The following EXT1 variants were observed in gnomAD, a reference collection of about 807,000 sequenced individuals.
EXT1 encodes the protein exostosin glycosyltransferase 1, also known as exostosin-1.
A neutral mutation model predicts 82.5 loss-of-function variants in EXT1; 20 were observed. The ratio of observed to expected loss-of-function variants is 0.24; its 90% confidence interval spans 0.17 to 0.35. EXT1 has a LOEUF of 0.35. Among genes scored for constraint, EXT1 ranks in the 10% least tolerant of loss-of-function variants. The pLI is 1.00. For missense variants in EXT1, 757 were observed against 936.5 expected (o/e 0.81, Z 2.50); for synonymous variants, 348 against 350.8 (o/e 0.99, Z 0.09).
At chr8:117,930,606 T>A (rs969346681) in intron 1 of EXT1, among the ~76,000 whole-genome samples, 1 of 152,146 alleles carries the variant, frequency 6.6e-6, no homozygotes, top group Admixed American at 6.5e-5. Context: ...TAAATACATA[T>A]TTCTATATTT....
rs905301094 is a variant in EXT1 at position 117,926,606 on chromosome 8, G to A, written c.963-89405C>T. 7.2e-5 allele frequency among the ~76,000 whole-genome samples: 11 copies of A among 152,108 alleles called. No homozygotes were observed. The South Asian group carries it at 1.7e-3, about 23-fold the overall frequency. On this transcript the variant is annotated intron_variant, in intron 1 of 10. Transcript: ENST00000378204. ...AAATTCAAATGACCCAAATGCATTCGCTCGTAAGGGCAATTTGCTTCTAGG... is the reference window on the plus strand; with the variant it reads ...AAATTCAAATGACCCAAATGCATTCACTCGTAAGGGCAATTTGCTTCTAGG...
chr8:118,055,956 CA>C (rs1456198999), intron 1 of EXT1, among the ~76,000 whole-genome samples: 1 of 152,126 alleles, frequency 6.6e-6, no homozygotes. Flanking sequence ...ATATAGCAAA[CA>C]AATGATGGTC....
chr8:118,038,091 G>T (rs999845323), intron 1 of EXT1, among the ~76,000 whole-genome samples: 1 of 152,178 alleles, frequency 6.6e-6, no homozygotes, highest in South Asian at 2.1e-4. Context: ...TTCCCAAAGT[G>T]CTGGGATTAT....
intron 1 of EXT1, among the ~76,000 whole-genome samples, chr8:118,070,991 T>A (rs999683064): frequency 6.6e-6 from 1 of 152,210 alleles, no homozygotes; most frequent in Non-Finnish European, 1.5e-5. Context: ...TCAGAATAAA[T>A]ATTAATTTGT....
chr8:117,995,350 C>T (rs967917411), intron 1 of EXT1, among the ~76,000 whole-genome samples: 1 of 152,196 alleles, frequency 6.6e-6, no homozygotes, highest in Non-Finnish European at 1.5e-5. Flanking sequence ...TATGAGGATT[C>T]TCTAATCCAA....
At chr8:117,947,295 A>G (rs192801549) in intron 1 of EXT1, among the ~76,000 whole-genome samples, 5 of 152,306 alleles carry the variant, frequency 3.3e-5, no homozygotes, top group Admixed American at 3.3e-4. Context: ...TATACTTGAC[A>G]TTTATCCAAA....
chr8:117,847,335 A>C (rs755104804), intron 1 of EXT1, among the ~76,000 whole-genome samples: 9 of 152,220 alleles, frequency 5.9e-5, no homozygotes, highest in Non-Finnish European at 1.0e-4. Flanking sequence ...TACTTGGGGA[A>C]TGAAAAATCG....
chr8:117,885,494 C>CAAAAAAAA (rs11300586), intron 1 of EXT1, among the ~76,000 whole-genome samples: 249 of 103,112 alleles, frequency 2.4e-3, no homozygotes, highest in East Asian at 4.1e-3. Flanking sequence ...AAGTAACAGA[C>CAAAAAAAA]AAAAAAAAAA....
intron 1 of EXT1, among the ~76,000 whole-genome samples, chr8:117,837,611 T>C (rs1812208524): frequency 2.0e-5 from 3 of 152,196 alleles, no homozygotes; most frequent in Admixed American, 6.5e-5. Context: ...ACTAAGACTG[T>C]TCTTGTTCCC....
intron 1 of EXT1, among the ~76,000 whole-genome samples, chr8:118,099,619 G>A (rs1465641080): frequency 6.6e-6 from 1 of 152,236 alleles, no homozygotes; most frequent in Non-Finnish European, 1.5e-5. Context: ...CATCTGCTAT[G>A]TGTATGCTCT....
chr8:118,063,877 T>C (rs1816929335), intron 1 of EXT1, among the ~76,000 whole-genome samples: 1 of 152,170 alleles, frequency 6.6e-6, no homozygotes, highest in Non-Finnish European at 1.5e-5. Context: ...TTTATTTATT[T>C]ATTTATTGAG....
intron 1 of EXT1, among the ~76,000 whole-genome samples, chr8:118,017,140 A>G (rs1036766017): frequency 6.6e-6 from 1 of 152,204 alleles, no homozygotes; most frequent in Non-Finnish European, 1.5e-5. Flanking sequence ...AAATACTGCT[A>G]TCCGTTAGTC....
At chr8:117,809,244 T>TG (rs1554657605) in intron 8 of EXT1, among the ~76,000 whole-genome samples, 9 of 138,244 alleles carry the variant, frequency 6.5e-5, no homozygotes, top group African/African-American at 1.8e-4. Context: ...TATATATATA[T>TG]TATGTTCTAT....
intron 1 of EXT1, among the ~76,000 whole-genome samples, chr8:117,857,776 C>T (rs1812591861): frequency 1.3e-5 from 2 of 152,178 alleles, no homozygotes; most frequent in Admixed American, 6.5e-5. Flanking sequence ...CTATAGCTGA[C>T]AGAGATGGTG....
intron 1 of EXT1, among the ~76,000 whole-genome samples, chr8:117,855,140 T>C (rs1440419455): frequency 6.6e-6 from 1 of 152,224 alleles, no homozygotes; most frequent in African/African-American, 2.4e-5. Flanking sequence ...GATAGGATGC[T>C]AAGCACATGT....
chr8:117,984,449 C>CAAAAAAAAAAAAAAAAAAA (rs368857333), intron 1 of EXT1, among the ~76,000 whole-genome samples: 1 of 130,968 alleles, frequency 7.6e-6, no homozygotes, highest in South Asian at 2.4e-4. Flanking sequence ...CAAAACAAAA[C>CAAAAAAAAAAAAAAAAAAA]AAAAAAAAAA....
chr8:118,013,369 C>A (rs1022243523), intron 1 of EXT1, among the ~76,000 whole-genome samples: 1 of 152,116 alleles, frequency 6.6e-6, no homozygotes, highest in Non-Finnish European at 1.5e-5. Context: ...TCACTGCGCC[C>A]AACTAATTTT....
In EXT1 at chr8:118,111,175, T is replaced by C. The variant is rs886062637; in HGVS notation, c.-129A>G. 5.4e-5 allele frequency: 71 copies of C among 1,315,270 alleles called. No individual in the cohort carries two copies. In the South Asian group the frequency reaches 8.6e-4, roughly 16 times the overall value. 81.5% of individuals were successfully genotyped at this position (1,315,270 alleles called of 1,614,324 possible). ...CTTCAAACTCTCCGCTCCCACCTTC[T>C]CTGGATGCCTTTCCCCAAGCCGTGG... On this transcript the variant is annotated 5_prime_UTR_variant, in exon 1 of 11. Transcript: ENST00000378204.
chr8:118,084,091 T>C (rs1309466251), intron 1 of EXT1, among the ~76,000 whole-genome samples: 2 of 152,150 alleles, frequency 1.3e-5, no homozygotes, highest in Non-Finnish European at 2.9e-5. Context: ...ATCTATTAGT[T>C]TGGAAGACAA....
Sources: allele counts gnomAD v4.1 joint callset (sites outside exome capture counted in the v4.1 genomes callset), GRCh38; gene constraint gnomAD v4.1.1; transcripts MANE v1.5; gene names NCBI Gene and HGNC (gene_info 2026-07-23, HGNC 2026-07-21).